The following COL11A1 variants were observed in gnomAD, a reference collection of about 807,000 sequenced individuals.
The protein encoded by COL11A1 is collagen alpha-1(XI) chain.
Under a neutral mutation model 265.2 loss-of-function variants are expected in COL11A1, and 74 were observed. The observed-to-expected ratio is 0.28, with a 90% CI of 0.23 to 0.34. The LOEUF is 0.34. Among genes scored for constraint, COL11A1 ranks in the 10% least tolerant of loss-of-function variants. The pLI is 1.00. For missense variants in COL11A1, 2,165 were observed against 2,263.6 expected (o/e 0.96, Z 0.88); for synonymous variants, 816 against 727.6 (o/e 1.12, Z -1.96).
intron 4 of COL11A1, among the ~76,000 whole-genome samples, chr1:103,068,006 A>G (rs556422023): frequency 5.3e-5 from 8 of 151,656 alleles, no homozygotes; most frequent in Non-Finnish European, 1.0e-4. Flanking sequence ...GGTTAATTCT[A>G]TCCAGTATTC....
rs1163371289 is a variant in COL11A1 at position 103,017,860 on chromosome 1, A to G, written c.1373T>C (p.Leu458Pro). The change falls in exon 11 of 67, where the codon CTA (leucine) becomes CCA (proline). Residue 458 changes from leucine to proline, a missense_variant. Leu to Pro is a moderately conservative substitution (Grantham distance 98). Coordinates refer to ENST00000370096, the MANE Select transcript of COL11A1 (RefSeq NM_001854.4). ...ACCAGGGGGTCCAGTGGGGCCTTGT[A>G]GACCTGGAGGACCCATAATACCCTA... Reference protein sequence around the residue: ...GPAGIMGPPGLQGPTGPPGDP... With the variant: ...GPAGIMGPPGPQGPTGPPGDP... The G allele has an allele frequency of 6.2e-7, 1 of 1,613,074 alleles. No individual in the cohort carries two copies. Among genetic ancestry groups the G allele is most frequent in the Non-Finnish European group, 8.5e-7 (1 of 1,179,252 alleles).
rs758428843 is a variant in COL11A1 at position 102,946,950 on chromosome 1, G to A, written c.3175C>T (p.Pro1059Ser). ...PQGPPGPVGS[P>S]GERGSAGTAG... ...GTACCTGCTGACCCACGTTCTCCTGGTGAGCCCTAGTATACAGGAAAAGAA... is the reference window on the plus strand; with the variant it reads ...GTACCTGCTGACCCACGTTCTCCTGATGAGCCCTAGTATACAGGAAAAGAA... The change falls in exon 42 of 67, where the codon CCA (proline) becomes TCA (serine). Residue 1059 changes from proline (P) to serine (S), a missense_variant. Transcript: ENST00000370096. The A allele has an allele frequency of 6.2e-7, 1 of 1,611,382 alleles. No individual in the cohort carries two copies. The highest frequency in any genetic ancestry group is 8.5e-7 in the Non-Finnish European group (1 of 1,178,676).
At chr1:102,898,010 A>G (rs2100917996) in intron 57 of COL11A1, 115 bp downstream of exon 57, 2 of 506,124 alleles carry the variant, frequency 4.0e-6, no homozygotes, top group Admixed American at 6.0e-5. Flanking sequence ...TACTTCTTGG[A>G]CTATTAGAAA....
At chr1:102,952,300 T>C (rs1659968083) in intron 41 of COL11A1, among the ~76,000 whole-genome samples, 1 of 152,212 alleles carries the variant, frequency 6.6e-6, no homozygotes, top group Non-Finnish European at 1.5e-5. Context: ...GGTTTCACCA[T>C]GTTGGCCAGG....
At chr1:102,982,880 A>G (rs1322002355) in intron 31 of COL11A1, among the ~76,000 whole-genome samples, 4 of 152,064 alleles carry the variant, frequency 2.6e-5, no homozygotes. Flanking sequence ...ACACACGTTT[A>G]AGAATGTTAC....
chr1:102,887,112 TATTA>T (rs1276232791), intron 62 of COL11A1, 56 bp from the exon 63 acceptor site: 4 of 1,603,976 alleles, frequency 2.5e-6, no homozygotes, highest in African/African-American at 1.3e-5. Flanking sequence ...ATTCTGCAGA[TATTA>T]ATTATTACTG....
intron 24 of COL11A1, among the ~76,000 whole-genome samples, chr1:102,999,045 A>G (rs1664883727): frequency 6.6e-6 from 1 of 151,862 alleles, no homozygotes; most frequent in Admixed American, 6.6e-5. Flanking sequence ...TTGGGAGAAA[A>G]GTAGACATTC....
intron 4 of COL11A1, among the ~76,000 whole-genome samples, chr1:103,041,274 CTAT>C (rs1668788516): frequency 6.6e-6 from 1 of 151,816 alleles, no homozygotes; most frequent in Non-Finnish European, 1.5e-5. Flanking sequence ...ACTATTTTCA[CTAT>C]TTCATAAAGA....
rs189615309 is a variant in COL11A1, at chr1:103,049,147, G to C, written c.652-17903C>G. Among the ~76,000 whole-genome samples the C allele has an allele frequency of 3.6e-3, 552 of 152,212 alleles. 1 individual carries two copies. The highest frequency in any genetic ancestry group is 6.8e-3 in the Middle Eastern group (2 of 294). On this transcript the variant is annotated intron_variant, in intron 4 of 66. Transcript: ENST00000370096. ...GTGCAGAGCTGAGTTCAATTCCTGG[G>C]TATCCTTGTTAACCTTCTGTCTCGT...
chr1:102,955,203 G>A (rs4908280), intron 41 of COL11A1, among the ~76,000 whole-genome samples: 1 of 151,746 alleles, frequency 6.6e-6, no homozygotes, highest in African/African-American at 2.4e-5. Flanking sequence ...TTCCCTTGCT[G>A]GAAGAATAAG....
chr1:103,105,517 A>T lies in COL11A1; in HGVS notation c.106+2556T>A, dbSNP rs1409000637. On this transcript the variant is annotated intron_variant, in intron 1 of 66. Coordinates refer to ENST00000370096, the MANE Select transcript of COL11A1 (RefSeq NM_001854.4). ...TCTATATTATTTTCTTTAGAGTCTA[A>T]CTTTGTTTTGAACTCAGATGTTTTA... 2.6e-5 allele frequency among the ~76,000 whole-genome samples: 4 copies of T among 152,098 alleles called. No homozygotes were observed. The East Asian group carries it at 7.7e-4, about 29-fold the overall frequency.
chr1:102,998,232 T>A (rs1168097879), intron 25 of COL11A1, 78 bp downstream of exon 25: 32 of 1,193,490 alleles, frequency 2.7e-5, no homozygotes, highest in Non-Finnish European at 3.3e-5. Flanking sequence ...CCTCATATAA[T>A]CATTTCTAAA....
rs769350133 is a variant in COL11A1 at position 102,890,479 on chromosome 1, T to C, written c.4328A>G (p.Lys1443Arg). The change falls in exon 58 of 67, where the codon AAA becomes AGA. Residue 1443 changes from lysine (K) to arginine (R), a missense_variant. Transcript: ENST00000370096. ...TTCACCCTTGGAGCCAGGGTCACCT[T>C]TGAGACCAGGTAAGCCAGGAGGTCC... is the stretch of plus-strand genomic sequence containing the variant. Reference protein sequence around the residue: ...PMGPPGLPGLKGDPGSKGEKG... With the variant: ...PMGPPGLPGLRGDPGSKGEKG... 3 of 1,609,658 alleles carry C rather than the reference T, an allele frequency of 1.9e-6. No homozygotes were observed. The highest frequency in any genetic ancestry group is 2.5e-6 in the Non-Finnish European group (3 of 1,178,038).
At position 102,914,423 on chromosome 1, in the gene COL11A1, A is replaced by G; in HGVS notation, c.3925-18T>C. ...ACAGGACCCTAGAATGACGTTTTGA[A>G]AGAAAAAGAAATAAATGAAAAATAA... On this transcript the variant is annotated intron_variant, in intron 51 of 66. Transcript: ENST00000370096. 6.3e-7 allele frequency: 1 copy of G among 1,594,106 alleles called. No individual in the cohort carries two copies. The highest frequency in any genetic ancestry group is 8.6e-7 in the Non-Finnish European group (1 of 1,166,900).
chr1:103,033,099 C>T (rs561349928), intron 4 of COL11A1, among the ~76,000 whole-genome samples: 1 of 152,164 alleles, frequency 6.6e-6, no homozygotes, highest in Admixed American at 6.6e-5. Context: ...CAACATGTGG[C>T]CTTTTTCAAT....
At chr1:102,907,523 C>G (rs1470000547) in intron 54 of COL11A1, among the ~76,000 whole-genome samples, 1 of 151,956 alleles carries the variant, frequency 6.6e-6, no homozygotes, top group Non-Finnish European at 1.5e-5. Flanking sequence ...GAAGTAACTA[C>G]CATCCTAAAT....
chr1:102,978,871 G>A lies in COL11A1; in HGVS notation c.2698C>T (p.Pro900Ser). Residue 900 changes from proline to serine, a missense_variant, in exon 34 of 67, where the codon CCT becomes TCT. By Grantham distance (74) the Pro-to-Ser change is moderately conservative (BLOSUM62 -1). Transcript: ENST00000370096. ...AGTACAGGTGATACCTTTGGCCCAG[G>A]TTTCCCAGTGGGACCTCTTGCACCT... is the stretch of plus-strand genomic sequence containing the variant. ...SRGARGPTGK[P>S]GPKGTSGGDG... 1.2e-6 allele frequency: 2 copies of A among 1,614,134 alleles called. No homozygotes were observed. Among genetic ancestry groups the A allele is most frequent in the Non-Finnish European group, 1.7e-6 (2 of 1,180,008 alleles).
intron 36 of COL11A1, among the ~76,000 whole-genome samples, chr1:102,973,620 C>T (rs1368865582): frequency 6.6e-6 from 1 of 152,096 alleles, no homozygotes; most frequent in Non-Finnish European, 1.5e-5. Context: ...TGAAACTTTG[C>T]AGAGTCTTCA....
chr1:103,080,045 A>T (rs1672279219), intron 2 of COL11A1, among the ~76,000 whole-genome samples: 1 of 151,354 alleles, frequency 6.6e-6, no homozygotes, highest in South Asian at 2.1e-4. Context: ...ATTTTATAAT[A>T]AGCTGCAATG....
Sources: allele counts gnomAD v4.1 joint callset (sites outside exome capture counted in the v4.1 genomes callset), GRCh38; gene constraint gnomAD v4.1.1; transcripts MANE v1.5; gene names NCBI Gene and HGNC (gene_info 2026-07-23, HGNC 2026-07-21).